ABHD2: variants seen among roughly 807,000 people sequenced by gnomAD.
The protein encoded by ABHD2 is abhydrolase domain containing 2, acylglycerol lipase.
In ABHD2, 20 loss-of-function variants were observed where a neutral mutation model predicts 48.1. That is an observed-to-expected ratio of 0.42 (90% CI 0.29 to 0.60). The LOEUF (loss-of-function observed/expected upper bound fraction) is 0.60, where lower values mean the gene tolerates loss of function less well. ABHD2 is among the 20% of genes least tolerant of loss of function. ABHD2 has a pLI of 0.24. For synonymous variants in ABHD2, 209 were observed against 214.2 expected (o/e 0.98, Z 0.21); for missense variants, 405 against 550.9 (o/e 0.74, Z 2.65).
chr15:89,056,199 C>A, the ABHD2 span, among the ~76,000 whole-genome samples: 1 of 152,064 alleles, frequency 6.6e-6, no homozygotes. Context: ...GTGGGAATCC[C>A]TCTACGAATT....
intron 5 of ABHD2, among the ~76,000 whole-genome samples, chr15:89,160,380 C>G (rs1257471070): frequency 6.6e-6 from 1 of 152,192 alleles, no homozygotes; most frequent in African/African-American, 2.4e-5. Context: ...TGTTTCTACA[C>G]CCAGTACTGT....
chr15:89,043,961 G>C, the ABHD2 span, among the ~76,000 whole-genome samples: 1 of 150,844 alleles, frequency 6.6e-6, no homozygotes, highest in Non-Finnish European at 1.5e-5. Context: ...GTGCAGGTTA[G>C]TTACATATGT....
chr15:89,101,115 C>T (rs933663128), intron 1 of ABHD2, among the ~76,000 whole-genome samples: 4 of 152,138 alleles, frequency 2.6e-5, no homozygotes, highest in South Asian at 2.1e-4. Context: ...TTTCTATTTG[C>T]GGGCCTTTCC....
At chr15:89,071,653 A>G in the ABHD2 span, among the ~76,000 whole-genome samples, 2 of 152,094 alleles carry the variant, frequency 1.3e-5, no homozygotes, top group African/African-American at 4.8e-5. Context: ...ACAGGAAGGG[A>G]GTGGGGTGGA....
chr15:89,053,173 C>T, the ABHD2 span, among the ~76,000 whole-genome samples: 2 of 151,758 alleles, frequency 1.3e-5, no homozygotes, highest in Admixed American at 6.6e-5. Context: ...TCACTGTGTT[C>T]GCCAGGATGG....
At position 89,196,469 on chromosome 15, in the gene ABHD2, A is replaced by G. The variant is rs996717257; in HGVS notation, c.*1046A>G. 6.6e-5 allele frequency: 10 copies of G among 152,322 alleles called. No individual in the cohort carries two copies. Among genetic ancestry groups the G allele is most frequent in the Middle Eastern group, 3.4e-3 (1 of 294 alleles). 9.4% of individuals were successfully genotyped at this position (152,322 alleles called of 1,614,324 possible). On this transcript the variant is annotated 3_prime_UTR_variant, in exon 11 of 11. Transcript: ENST00000352732. ...AGCTCACTACCAGGTTCAAAGTTCAATGACAAACTCAGTTTACTGAGGTTT... is the reference window on the plus strand; with the variant it reads ...AGCTCACTACCAGGTTCAAAGTTCAGTGACAAACTCAGTTTACTGAGGTTT...
chr15:89,090,496 A>G, intron 1 of ABHD2: 1 of 53,258 alleles, frequency 1.9e-5, no homozygotes, highest in African/African-American at 7.0e-5. Context: ...CCCCACCCCC[A>G]AATTCATTTA....
rs775340041 is a variant in ABHD2 at position 89,116,371 on chromosome 15, A to T, written c.44A>T (p.Asp15Val). 6.2e-7 allele frequency: 1 copy of T among 1,614,174 alleles called. No homozygotes were observed. The highest frequency in any genetic ancestry group is 8.5e-7 in the Non-Finnish European group (1 of 1,180,028). Reference protein sequence around the residue: ...LETPELPAVFDGVKLAAVAAV... With the variant: ...LETPELPAVFVGVKLAAVAAV... ...ACTCCCGAACTCCCAGCCGTGTTTG[A>T]TGGAGTGAAGCTGGCTGCAGTGGCT... The change falls in exon 3 of 11, where the codon GAT becomes GTT. Residue 15 changes from aspartate (D) to valine (V), a missense_variant. Physicochemically the swap from Asp to Val is radical, Grantham distance 152. Transcript: ENST00000352732. The surrounding 1 kb of genome is among the most constrained non-coding windows in gnomAD (Gnocchi z 4.6).
At chr15:89,192,832 A>G (rs1033172488) in intron 9 of ABHD2, among the ~76,000 whole-genome samples, 1 of 152,232 alleles carries the variant, frequency 6.6e-6, no homozygotes, top group African/African-American at 2.4e-5. Context: ...TACAGGCACG[A>G]ACCACTGTGC....
Position 89,124,148 on chromosome 15 carries a change from C to T in ABHD2, c.194+7627C>T, listed in dbSNP as rs201193486. 4.6e-5 allele frequency among the ~76,000 whole-genome samples: 7 copies of T among 152,222 alleles called. No individual in the cohort carries two copies. In the East Asian group the frequency reaches 1.3e-3, roughly 29 times the overall value. On this transcript the variant is annotated intron_variant, in intron 3 of 10. Transcript: ENST00000352732. The stretch of plus-strand genomic sequence containing the variant: ...GTATTAAATAATTAGAAATACACTA[C>T]AGAAAAGCACTCATTCAAATCTCTC...
chr15:89,180,753 G>T (rs2150935891), intron 6 of ABHD2, among the ~76,000 whole-genome samples: 1 of 152,276 alleles, frequency 6.6e-6, no homozygotes, highest in East Asian at 1.9e-4. Flanking sequence ...GGCTGGGCTG[G>T]TCCTGGTTTT....
the ABHD2 span, among the ~76,000 whole-genome samples, chr15:89,078,382 C>A: frequency 6.6e-6 from 1 of 152,224 alleles, no homozygotes; most frequent in African/African-American, 2.4e-5. Context: ...GGACCCCAAA[C>A]TCACTATGTC....
the ABHD2 span, among the ~76,000 whole-genome samples, chr15:89,066,476 T>C: frequency 6.6e-6 from 1 of 152,174 alleles, no homozygotes; most frequent in Admixed American, 6.5e-5. Context: ...TCATCTTAAC[T>C]TGATTACATC....
chr15:89,145,559 C>G (rs2050477284), intron 3 of ABHD2, among the ~76,000 whole-genome samples: 1 of 152,166 alleles, frequency 6.6e-6, no homozygotes, highest in South Asian at 2.1e-4. Context: ...CCTCTTGAAT[C>G]AAAGACAAGC....
chr15:89,109,519 A>T (rs2049841044), intron 1 of ABHD2, among the ~76,000 whole-genome samples: 1 of 151,906 alleles, frequency 6.6e-6, no homozygotes, highest in Admixed American at 6.6e-5. Context: ...CCAGCCCTCC[A>T]GCTGTTCTCT....
the ABHD2 span, among the ~76,000 whole-genome samples, chr15:89,075,776 G>C: frequency 5.9e-5 from 9 of 152,312 alleles, no homozygotes; most frequent in African/African-American, 1.9e-4. The surrounding 1 kb of genome is among the most constrained non-coding windows in gnomAD (Gnocchi z 4.1). Flanking sequence ...GCAGCAGGCT[G>C]AGGACAGGCC....
chr15:89,042,555 T>C, the ABHD2 span, among the ~76,000 whole-genome samples: 7 of 151,828 alleles, frequency 4.6e-5, no homozygotes, highest in Non-Finnish European at 8.8e-5. Flanking sequence ...ACCTTCTCTC[T>C]TTCTTTTTTA....
chr15:89,152,892 A>G (rs979925585), intron 4 of ABHD2, among the ~76,000 whole-genome samples: 8 of 152,252 alleles, frequency 5.3e-5, no homozygotes, highest in Non-Finnish European at 7.3e-5. Context: ...TATTGCTACC[A>G]AAAGAGAACA....
rs1596056689 is a variant in ABHD2 at position 89,094,057 on chromosome 15, T to C, written c.-107+5494T>C. The C allele has an allele frequency of 6.6e-6, 1 of 152,388 alleles. No individual in the cohort carries two copies. The highest frequency in any genetic ancestry group is 1.9e-4 in the East Asian group (1 of 5,190). The allele number at this position is 152,388 out of a possible 1,614,324, so 9.4% of individuals were successfully genotyped here. A position where few individuals can be genotyped will look rare whatever the true frequency, so the allele number is the denominator to read the frequency against. On this transcript the variant is annotated intron_variant, in intron 1 of 10. Transcript: ENST00000352732. This position sits in a 1 kb window ranked among gnomAD's most constrained non-coding sequence, Gnocchi z 4.7. Reference sequence around the variant, plus strand: ...ATTAGTCTAATCTAGAGTCCTTACCTTCTGGCCTTTGCTCATTGCAGAGCC... The same window carrying C: ...ATTAGTCTAATCTAGAGTCCTTACCCTCTGGCCTTTGCTCATTGCAGAGCC...
Sources: allele counts gnomAD v4.1 joint callset (sites outside exome capture counted in the v4.1 genomes callset), GRCh38; gene constraint gnomAD v4.1.1; non-coding constraint Gnocchi (gnomAD v3.1); transcripts MANE v1.5; gene names NCBI Gene and HGNC (gene_info 2026-07-23, HGNC 2026-07-21).